Variants in SFXN4 observed in about 807,000 individuals in gnomAD.
SFXN4 encodes the protein sideroflexin-4.
Under a neutral mutation model 54.6 loss-of-function variants are expected in SFXN4, and 48 were observed. The observed-to-expected ratio is 0.88, with a 90% CI of 0.70 to 1.12. SFXN4 has a LOEUF of 1.12. Among genes scored for constraint, SFXN4 ranks in the 50% most tolerant of loss-of-function variants. The pLI, the probability that SFXN4 is intolerant of heterozygous loss-of-function variation, is 0.00. For missense variants in SFXN4, 383 were observed against 409.2 expected, an observed-to-expected ratio of 0.94 and a Z score of 0.55; for synonymous variants, 130 against 145.5, an observed-to-expected ratio of 0.89 and a Z score of 0.77.
chr10:119,153,849 A>T (rs1847170394), intron 11 of SFXN4, among the ~76,000 whole-genome samples: 1 of 152,150 alleles, frequency 6.6e-6, no homozygotes, highest in Non-Finnish European at 1.5e-5. Context: ...TACTCTGCAG[A>T]CACAGGGCAC....
At position 119,165,536 on chromosome 10, in the gene SFXN4, C is replaced by G. The variant is rs1162740176; in HGVS notation, c.111+1G>C. 11 of 1,581,224 alleles carry G rather than the reference C, an allele frequency of 7.0e-6. No homozygotes were observed. The highest frequency in any genetic ancestry group is 9.4e-6 in the Non-Finnish European group (11 of 1,167,916). On this transcript the variant is annotated splice_donor_variant, in intron 1 of 13. Coordinates refer to ENST00000355697, the MANE Select transcript of SFXN4 (RefSeq NM_213649.2). LOFTEE classifies it high-confidence loss of function. ...CTAGTCGCGCCGGGCCCGGGCCGTACTTGGCGCTCGGTGATCCAGAAGCGC... is the reference window on the plus strand; with the variant it reads ...CTAGTCGCGCCGGGCCCGGGCCGTAGTTGGCGCTCGGTGATCCAGAAGCGC...
rs769151451 is a variant in SFXN4, at chr10:119,141,293, TTTCTC to T, written c.958_962del (p.Glu320AsnfsTer23). On this transcript the variant is annotated frameshift_variant, in exon 14 of 14. Coordinates refer to ENST00000355697, the MANE Select transcript of SFXN4 (RefSeq NM_213649.2). LOFTEE classifies it high-confidence loss of function. ...CTGTTTCTTCTGTTGGAGACTGAAT[TTTCTC>T]TTCAAGACTACAGTACTGTATCTGA... 3 of 1,610,606 alleles carry T rather than the reference TTTCTC, an allele frequency of 1.9e-6. No homozygotes were observed. The highest frequency in any genetic ancestry group is 4.5e-5 in the East Asian group (2 of 44,862).
chr10:119,165,440 C>A, intron 1 of SFXN4, 97 bp downstream of exon 1: 1 of 1,360,856 alleles, frequency 7.3e-7, no homozygotes, highest in South Asian at 1.6e-5. Flanking sequence ...ACAGGGGGCG[C>A]CCACGTGGCC....
At chr10:119,155,788 C>T (rs898726119) in intron 10 of SFXN4, among the ~76,000 whole-genome samples, 12 of 152,046 alleles carry the variant, frequency 7.9e-5, no homozygotes, top group African/African-American at 2.9e-4. Flanking sequence ...CCGCCATGCC[C>T]GGCCAAAGTT....
At chr10:119,148,146 T>G (rs1345197384) in intron 11 of SFXN4, among the ~76,000 whole-genome samples, 1 of 152,108 alleles carries the variant, frequency 6.6e-6, no homozygotes, top group Non-Finnish European at 1.5e-5. Flanking sequence ...CACTCCAGAT[T>G]GGGCGACGGA....
chr10:119,157,614 A>T, intron 9 of SFXN4, 54 bp downstream of exon 9: 1 of 1,392,000 alleles, frequency 7.2e-7, no homozygotes, highest in Non-Finnish European at 9.9e-7. Flanking sequence ...AATAAATAAA[A>T]CTTCCTGGAT....
At position 119,164,147 on chromosome 10, in the gene SFXN4, T is replaced by C. The variant is rs768252080; in HGVS notation, c.161A>G (p.Asn54Ser). The C allele has an allele frequency of 6.3e-7, 1 of 1,588,530 alleles. No homozygotes were observed. ...LQWTELLDPT[N>S]VFISVESIEN... Reference sequence around the variant, plus strand: ...AATACTTACAACTGAAATGAACACATTTGTAGGATCTAATAATTCTGTCCA... The same window carrying C: ...AATACTTACAACTGAAATGAACACACTTGTAGGATCTAATAATTCTGTCCA... Residue 54 changes from asparagine to serine, a missense_variant, in exon 2 of 14, where the codon AAT becomes AGT. Coordinates refer to ENST00000355697, the MANE Select transcript of SFXN4 (RefSeq NM_213649.2).
At chr10:119,146,474 T>TGC in intron 12 of SFXN4, 121 bp from the exon 13 acceptor site, 2 of 526,290 alleles carry the variant, frequency 3.8e-6, no homozygotes, top group Non-Finnish European at 6.8e-6. Context: ...CGTGTGTGTG[T>TGC]ACCTGAACAC....
Position 119,154,956 on chromosome 10 carries a change from G to T in SFXN4, c.732+106C>A, listed in dbSNP as rs1203595264. 3 of 736,954 alleles carry T rather than the reference G, an allele frequency of 4.1e-6. No individual in the cohort carries two copies. In the East Asian group the frequency reaches 7.7e-5, roughly 19 times the overall value. The allele number at this position is 736,954 out of a possible 1,614,324, so 45.7% of individuals were successfully genotyped here. A position where few individuals can be genotyped will look rare whatever the true frequency, so the allele number is the denominator to read the frequency against. ...CTCTCAGCATGCTAAGGAAAGACGG[G>T]TAAAGAAAGGTTGAAGGCAGACATG... is the stretch of plus-strand genomic sequence containing the variant. On this transcript the variant is annotated intron_variant, in intron 11 of 13. Transcript: ENST00000355697.
At chr10:119,152,927 C>T (rs1048168839) in intron 11 of SFXN4, among the ~76,000 whole-genome samples, 4 of 152,052 alleles carry the variant, frequency 2.6e-5, no homozygotes, top group Non-Finnish European at 4.4e-5. Context: ...CAGGGCTGTT[C>T]CACTCTGCTT....
chr10:119,164,264 T>G, intron 1 of SFXN4, 68 bp from the exon 2 acceptor site: 1 of 793,764 alleles, frequency 1.3e-6, no homozygotes, highest in Non-Finnish European at 1.9e-6. Context: ...ATACTAACAG[T>G]TGGCTTTTTT....
intron 1 of SFXN4, among the ~76,000 whole-genome samples, chr10:119,164,687 A>G (rs1157374932): frequency 6.6e-6 from 1 of 151,566 alleles, no homozygotes; most frequent in Non-Finnish European, 1.5e-5. Context: ...GCTCCAGCAA[A>G]CTCTAAACTT....
At position 119,165,710 on chromosome 10, in the gene SFXN4, GC is replaced by G. The variant is rs1453956488; in HGVS notation, c.-64del. The G allele has an allele frequency of 7.9e-6, 10 of 1,270,928 alleles. No homozygotes were observed. The highest frequency in any genetic ancestry group is 5.1e-6 in the Non-Finnish European group (5 of 981,910). 78.7% of individuals were successfully genotyped at this position (1,270,928 alleles called of 1,614,324 possible). A position where few individuals can be genotyped will look rare whatever the true frequency, so the allele number is the denominator to read the frequency against. On this transcript the variant is annotated 5_prime_UTR_variant, in exon 1 of 14. Transcript: ENST00000355697. Reference sequence around the variant, plus strand: ...GCGTGGAGGAGGAGCCGGGCGGCGAGCCCCGCCCCGGGCCGCGCGCACCCGC... The same window carrying G: ...GCGTGGAGGAGGAGCCGGGCGGCGAGCCCGCCCCGGGCCGCGCGCACCCGC...
intron 11 of SFXN4, among the ~76,000 whole-genome samples, chr10:119,152,230 G>GT (rs34523899): frequency 0.65 from 97,084 of 149,016 alleles, 31,805 homozygotes; most frequent in East Asian, 0.74. Flanking sequence ...TCTTTCGGGC[G>GT]TTTTTTTTTT....
At chr10:119,163,548 T>C (rs928781194) in intron 2 of SFXN4, among the ~76,000 whole-genome samples, 2 of 152,050 alleles carry the variant, frequency 1.3e-5, no homozygotes, top group African/African-American at 4.8e-5. Context: ...ATTACAGGTG[T>C]CTGCCACCAC....
rs376600303 is a variant in SFXN4 at position 119,147,864 on chromosome 10, G to C, written c.733-4C>G. On this transcript the variant is annotated splice_region_variant and splice_polypyrimidine_tract_variant and intron_variant, in intron 11 of 13. Transcript: ENST00000355697. ...ATGCTAGCGTTTCTCTAACAGCCTA[G>C]CAAAAATGAAAAGAAAACAGCTTAG... is the stretch of plus-strand genomic sequence containing the variant. 2.4e-5 allele frequency: 38 copies of C among 1,613,338 alleles called. No homozygotes were observed. Among genetic ancestry groups the C allele is most frequent in the Admixed American group, 3.3e-5 (2 of 59,960 alleles).
At position 119,158,055 on chromosome 10, in the gene SFXN4, A is replaced by T. The variant is rs2133612740; in HGVS notation, c.368T>A (p.Leu123Ter). 11 of 1,614,016 alleles carry T rather than the reference A, an allele frequency of 6.8e-6. No individual in the cohort carries two copies. The highest frequency in any genetic ancestry group is 9.3e-6 in the Non-Finnish European group (11 of 1,179,846). ...FLPFMAPTVF[L>*]SMTPLKGIKS... ...GATCCCTTTCAGTGGCGTCATTGACAAAAATACCTTTTAAGAAGACAGTGG... is the reference window on the plus strand; with the variant it reads ...GATCCCTTTCAGTGGCGTCATTGACTAAAATACCTTTTAAGAAGACAGTGG... Residue 123 changes from leucine to a stop codon, truncating the protein, a stop_gained, in exon 7 of 14, where the codon TTG (leucine) becomes TAG (stop). Coordinates refer to ENST00000355697, the MANE Select transcript of SFXN4 (RefSeq NM_213649.2). LOFTEE classifies it high-confidence loss of function.
chr10:119,146,758 G>A (rs763004444), intron 12 of SFXN4, among the ~76,000 whole-genome samples: 3 of 152,014 alleles, frequency 2.0e-5, no homozygotes, highest in Non-Finnish European at 4.4e-5. Flanking sequence ...CAGTAGAGAC[G>A]GGGTTCACCA....
intron 5 of SFXN4, among the ~76,000 whole-genome samples, chr10:119,160,515 C>CA (rs200594750): frequency 0.78 from 97,054 of 123,836 alleles, 37,266 homozygotes; most frequent in East Asian, 0.87. Flanking sequence ...GACACTGTTT[C>CA]AAAAAAAAAA....
Sources: gnomAD v4.1 joint callset for allele counts (sites outside exome capture counted in the v4.1 genomes callset) on GRCh38, gnomAD v4.1.1 for gene constraint, MANE v1.5 for transcripts, NCBI Gene and HGNC (gene_info 2026-07-23, HGNC 2026-07-21) for gene names.